Variants in SYNE2 observed in about 807,000 individuals in gnomAD.
SYNE2 encodes the protein spectrin repeat containing nuclear envelope protein 2.
SYNE2 carries 431 observed loss-of-function variants against 856.3 expected under a neutral mutation model. The ratio of observed to expected loss-of-function variants is 0.50; its 90% CI spans 0.47 to 0.55. The LOEUF (loss-of-function observed/expected upper bound fraction) is 0.55, where lower values mean the gene tolerates loss of function less well. SYNE2 is among the 20% of genes least tolerant of loss of function. The probability of loss-of-function intolerance (pLI) is 0.00; values close to 1 mark genes in which losing one functional copy is unlikely to be tolerated. For synonymous variants in SYNE2, 2,923 were observed against 2,872.3 expected (o/e 1.02, Z -0.56); for missense variants, 8,129 against 8,023.2 (o/e 1.01, Z -0.50).
intron 100 of SYNE2, among the ~76,000 whole-genome samples, chr14:64,207,243 A>C (rs2098609709): frequency 6.6e-6 from 1 of 152,144 alleles, no homozygotes; most frequent in Non-Finnish European, 1.5e-5. Flanking sequence ...CAACCTAAAC[A>C]CTCAATGATC....
intron 1 of SYNE2, among the ~76,000 whole-genome samples, chr14:63,880,598 A>C (rs1483100704): frequency 6.6e-6 from 1 of 151,192 alleles, no homozygotes; most frequent in Non-Finnish European, 1.5e-5. Flanking sequence ...ATATGGTTAC[A>C]TTCCTATTGA....
At chr14:64,076,620 T>A (rs1005422151) in intron 54 of SYNE2, among the ~76,000 whole-genome samples, 2 of 152,042 alleles carry the variant, frequency 1.3e-5, no homozygotes, top group African/African-American at 4.8e-5. Context: ...AAAGAAAAGG[T>A]GGAAAATATT....
intron 1 of SYNE2, among the ~76,000 whole-genome samples, chr14:63,762,389 C>T (rs1000646586): frequency 4.1e-5 from 6 of 145,876 alleles, no homozygotes; most frequent in Non-Finnish European, 7.4e-5. Flanking sequence ...GAGCTGAGAC[C>T]GTGCCATTGC....
At chr14:63,813,982 C>T (rs1174234715) in intron 1 of SYNE2, among the ~76,000 whole-genome samples, 1 of 151,888 alleles carries the variant, frequency 6.6e-6, no homozygotes, top group East Asian at 1.9e-4. Flanking sequence ...TGCTTGAACC[C>T]AGGAGGCAGA....
intron 100 of SYNE2, among the ~76,000 whole-genome samples, chr14:64,203,748 C>G (rs1334072721): frequency 2.6e-5 from 4 of 152,166 alleles, no homozygotes; most frequent in Non-Finnish European, 5.9e-5. Flanking sequence ...TCTGTTTCAA[C>G]CATAGAAGCA....
At chr14:63,874,539 C>T (rs1440949514) in intron 1 of SYNE2, among the ~76,000 whole-genome samples, 1 of 152,160 alleles carries the variant, frequency 6.6e-6, no homozygotes, top group African/African-American at 2.4e-5. Context: ...TTAAAATTGC[C>T]ACTAACTAGC....
chr14:64,052,498 A>G lies in SYNE2; in HGVS notation c.8585A>G (p.Glu2862Gly). 6.2e-7 allele frequency: 1 copy of G among 1,614,138 alleles called. No homozygotes were observed. The highest frequency in any genetic ancestry group is 1.7e-5 in the Admixed American group (1 of 60,020). ...GAAACACTGATAATTCCCAGGGTGG[A>G]GACAGCTGCCACGGAAGCTGAACTA... ...ESETLIIPRVETAATEAELKH... is the reference protein window; with the variant it reads ...ESETLIIPRVGTAATEAELKH... The change falls in exon 48 of 116, where the codon GAG becomes GGG. Residue 2862 changes from glutamate to glycine, a missense_variant. Glu to Gly is a moderately conservative substitution (Grantham distance 98). Around this residue, in one of 3 missense-constraint regions of SYNE2, gnomAD observed 5,410 missense variants for 5,284.8 expected, o/e 1.02. Coordinates refer to ENST00000555002, the MANE Select transcript of SYNE2 (RefSeq NM_182914.3).
intron 99 of SYNE2, chr14:64,190,962 G>A (rs1420964078): frequency 2.1e-5 from 15 of 702,158 alleles, no homozygotes; most frequent in African/African-American, 1.7e-4. Flanking sequence ...GGCATACAGC[G>A]AACCGTCACT....
In SYNE2 at chr14:64,214,340, C is replaced by T. The variant is rs147883751; in HGVS notation, c.19203C>T (p.His6401=). ...QSLCHLVAPG[H]ERSGCETPVS... is the part of the protein sequence containing the mutation. The stretch of plus-strand genomic sequence containing the variant: ...TGTGTCATCTAGTGGCCCCAGGGCA[C>T]GAGCGGTCTGGCTGCGAGACCCCTG... The change falls in exon 106 of 116, where the codon CAC becomes CAT. Residue 6401 remains histidine (H), a synonymous_variant. Transcript: ENST00000555002. The T allele has an allele frequency of 2.2e-5, 35 of 1,613,984 alleles. No individual in the cohort carries two copies. In the East Asian group the frequency reaches 2.2e-4, roughly 10 times the overall value.
rs201277635 is a variant in SYNE2, at chr14:64,122,313, C to T, written c.13308C>T (p.Asp4436=). ...ASNQASSPEN[D]VPDSILSPQG... ...ACCAGGCATCCAGCCCTGAAAATGACGTTCCAGACTCGATCTTGTCACCCC... is the reference window on the plus strand; with the variant it reads ...ACCAGGCATCCAGCCCTGAAAATGATGTTCCAGACTCGATCTTGTCACCCC... The change falls in exon 70 of 116, where the codon GAC becomes GAT. Residue 4436 remains aspartate (D), a synonymous_variant. Coordinates refer to ENST00000555002, the MANE Select transcript of SYNE2 (RefSeq NM_182914.3). 98 of 1,614,156 alleles carry T rather than the reference C, an allele frequency of 6.1e-5. 1 individual carries two copies. The East Asian group carries it at 1.8e-3, about 30-fold the overall frequency.
intron 1 of SYNE2, among the ~76,000 whole-genome samples, chr14:63,827,625 C>CAAAAAAAAAAAAAA (rs11334415): frequency 3.5e-4 from 10 of 28,384 alleles, no homozygotes; most frequent in Admixed American, 1.1e-3. Flanking sequence ...AACTCTGTCT[C>CAAAAAAAAAAAAAA]AAAAAAAAAA....
chr14:64,070,277 T>C (rs2153599187), intron 51 of SYNE2, among the ~76,000 whole-genome samples: 1 of 152,316 alleles, frequency 6.6e-6, no homozygotes, highest in Middle Eastern at 3.4e-3. Context: ...CCATATCCAA[T>C]AGTTGCCCAA....
At chr14:64,197,652 A>T (rs144608623) in intron 99 of SYNE2, among the ~76,000 whole-genome samples, 1 of 152,366 alleles carries the variant, frequency 6.6e-6, no homozygotes. Context: ...AGACTGATTT[A>T]GGGCTTTTAT....
intron 22 of SYNE2, 70 bp from the exon 23 acceptor site, chr14:63,994,974 T>C (rs943134200): frequency 1.9e-6 from 2 of 1,029,716 alleles, no homozygotes; most frequent in Non-Finnish European, 2.8e-6. Context: ...CATATATTTA[T>C]TGTTACTATA....
At chr14:64,221,918 A>G (rs906554079) in intron 112 of SYNE2, among the ~76,000 whole-genome samples, 1 of 152,100 alleles carries the variant, frequency 6.6e-6, no homozygotes, top group Non-Finnish European at 1.5e-5. Flanking sequence ...ATGGAGAGCC[A>G]CAGTCCACAG....
chr14:64,121,118 G>A, intron 68 of SYNE2, 57 bp downstream of exon 68: 2 of 1,610,446 alleles, frequency 1.2e-6, no homozygotes, highest in South Asian at 2.2e-5. Flanking sequence ...AACCAGGCAA[G>A]GTGGTGCAAA....
At chr14:64,157,823 A>G (rs2098297983) in intron 85 of SYNE2, among the ~76,000 whole-genome samples, 1 of 152,192 alleles carries the variant, frequency 6.6e-6, no homozygotes, top group African/African-American at 2.4e-5. Context: ...GGTTTCCTTA[A>G]TGACTGTATA....
rs2095922575 is a variant in SYNE2 at position 63,941,936 on chromosome 14, G to T, written c.289G>T (p.Ala97Ser). Residue 97 changes from alanine (A) to serine (S), a missense_variant, in exon 5 of 116, where the codon GCC becomes TCC. By Grantham distance (99) the Ala-to-Ser change is moderately conservative. Around this residue, in one of 3 missense-constraint regions of SYNE2, gnomAD observed 2,422 missense variants for 2,357.4 expected, o/e 1.03. Transcript: ENST00000555002. Reference protein sequence around the residue: ...TFQCRINIEHALTFLRNRSIK... With the variant: ...TFQCRINIEHSLTFLRNRSIK... ...CCAGTGTAGAATCAATATAGAACAT[G>T]CCTTGACATTCCTAAGAAACCGATC... is the stretch of plus-strand genomic sequence containing the variant. 5 of 1,613,038 alleles carry T rather than the reference G, an allele frequency of 3.1e-6. No homozygotes were observed. The highest frequency in any genetic ancestry group is 4.2e-6 in the Non-Finnish European group (5 of 1,179,890).
chr14:63,835,218 T>C (rs1210578358), intron 1 of SYNE2, among the ~76,000 whole-genome samples: 5 of 152,076 alleles, frequency 3.3e-5, no homozygotes, highest in African/African-American at 9.7e-5. Context: ...AAGTACATAT[T>C]GATATTTTTA....
Sources: allele counts gnomAD v4.1 joint callset (sites outside exome capture counted in the v4.1 genomes callset), GRCh38; gene constraint gnomAD v4.1.1; regional missense constraint gnomAD v4.1.1; transcripts MANE v1.5; gene names NCBI Gene and HGNC (gene_info 2026-07-23, HGNC 2026-07-21).